The following PARG variants were observed in gnomAD, a reference collection of about 807,000 sequenced individuals.
PARG encodes mitochondrial poly(ADP-ribose) glycohydrolase.
Under a neutral mutation model 113.0 loss-of-function variants are expected in PARG, and 35 were observed. That is an observed-to-expected ratio of 0.31 (90% CI 0.24 to 0.41). The LOEUF (loss-of-function observed/expected upper bound fraction) is 0.41, where lower values mean the gene tolerates loss of function less well. PARG is among the 10% of genes least tolerant of loss of function. The pLI is 1.00. For synonymous variants in PARG, 330 were observed against 409.9 expected (o/e 0.81, Z 2.36); for missense variants, 797 against 1,169.4 (o/e 0.68, Z 4.64).
chr10:49,869,586 G>C, intron 9 of PARG, 31 bp from the exon 10 acceptor site: 1 of 982,982 alleles, frequency 1.0e-6, no homozygotes, highest in Non-Finnish European at 1.6e-6. Context: ...GAGAATGGAA[G>C]ATAAGTTAAA....
chr10:49,892,888 C>A (rs1342819051), intron 7 of PARG, among the ~76,000 whole-genome samples: 1 of 152,118 alleles, frequency 6.6e-6, no homozygotes, highest in Non-Finnish European at 1.5e-5. Flanking sequence ...TCAAGACCAG[C>A]CTGGGCAAGA....
intron 7 of PARG, among the ~76,000 whole-genome samples, chr10:49,904,482 T>C (rs1307336725): frequency 6.6e-6 from 1 of 151,882 alleles, no homozygotes; most frequent in African/African-American, 2.4e-5. Context: ...TAATGATGTG[T>C]CAAGGTAGGT....
chr10:49,935,527 A>C (rs1473640749), intron 1 of PARG, among the ~76,000 whole-genome samples: 4 of 152,262 alleles, frequency 2.6e-5, no homozygotes, highest in African/African-American at 2.4e-5. Flanking sequence ...TTAAGTAAAA[A>C]TAGTTCATGT....
At chr10:49,903,480 A>G (rs529827146) in intron 7 of PARG, among the ~76,000 whole-genome samples, 18 of 152,046 alleles carry the variant, frequency 1.2e-4, no homozygotes, top group Non-Finnish European at 2.1e-4. Flanking sequence ...ACTCAGTTCA[A>G]GAAACATTAA....
rs542835347 is a variant in PARG at position 49,852,289 on chromosome 10, C to T, written c.2353+5017G>A. 6.6e-5 allele frequency among the ~76,000 whole-genome samples: 10 copies of T among 152,126 alleles called. 1 individual carries two copies. The South Asian group carries it at 2.1e-3, about 32-fold the overall frequency. On this transcript the variant is annotated intron_variant, in intron 13 of 17. Coordinates refer to ENST00000616448, the MANE Select transcript of PARG (RefSeq NM_003631.5). ...GGGGAAAATGCTGAGTTAAAAGTCA[C>T]CCCATATGTCCTTAGCCTGAGGTAA...
intron 13 of PARG, among the ~76,000 whole-genome samples, chr10:49,849,932 C>G (rs1378690566): frequency 2.6e-5 from 4 of 152,054 alleles, no homozygotes; most frequent in Non-Finnish European, 5.9e-5. Flanking sequence ...GTGGGAGGAT[C>G]CCTTGAGCTC....
intron 8 of PARG, among the ~76,000 whole-genome samples, chr10:49,881,652 G>A (rs1421547630): frequency 6.6e-6 from 1 of 152,140 alleles, no homozygotes; most frequent in African/African-American, 2.4e-5. Context: ...CAAAACTGCG[G>A]TGCTGAATAA....
At chr10:49,902,802 G>A (rs1402389364) in intron 7 of PARG, among the ~76,000 whole-genome samples, 1 of 151,976 alleles carries the variant, frequency 6.6e-6, no homozygotes, top group Non-Finnish European at 1.5e-5. Context: ...ACCAGCTTGG[G>A]CAACATAATG....
intron 4 of PARG, among the ~76,000 whole-genome samples, chr10:49,925,750 C>G (rs1371820054): frequency 3.3e-5 from 5 of 152,254 alleles, no homozygotes; most frequent in Non-Finnish European, 7.3e-5. Context: ...TCTTAGGGGC[C>G]TGCCAGGAGT....
chr10:49,932,785 T>A (rs1310872469), intron 3 of PARG, among the ~76,000 whole-genome samples: 3 of 150,934 alleles, frequency 2.0e-5, no homozygotes, highest in African/African-American at 7.3e-5. Flanking sequence ...ATTTAGTGAG[T>A]ATAATACCAT....
At chr10:49,846,193 T>C (rs1362503317) in intron 13 of PARG, among the ~76,000 whole-genome samples, 1 of 150,656 alleles carries the variant, frequency 6.6e-6, no homozygotes, top group Non-Finnish European at 1.5e-5. Flanking sequence ...CATAGATAGA[T>C]CTCACATTAC....
At chr10:49,858,338 C>CACA (rs1846092009) in intron 12 of PARG, among the ~76,000 whole-genome samples, 1 of 67,116 alleles carries the variant, frequency 1.5e-5, no homozygotes, top group South Asian at 8.1e-4. Context: ...AGATCACACA[C>CACA]ACACACACAC....
At chr10:49,930,554 G>C (rs1838431819) in intron 4 of PARG, among the ~76,000 whole-genome samples, 1 of 152,252 alleles carries the variant, frequency 6.6e-6, no homozygotes, top group African/African-American at 2.4e-5. Context: ...CAAAGGCACT[G>C]TTTTCCATTT....
chr10:49,899,609 C>T (rs1451235509), intron 7 of PARG, among the ~76,000 whole-genome samples: 1 of 152,134 alleles, frequency 6.6e-6, no homozygotes, highest in Non-Finnish European at 1.5e-5. Context: ...AGGCATATTT[C>T]ACCAATTAGC....
intron 13 of PARG, among the ~76,000 whole-genome samples, chr10:49,851,004 T>C (rs1250644938): frequency 1.3e-5 from 2 of 152,206 alleles, no homozygotes; most frequent in Non-Finnish European, 2.9e-5. Context: ...GACAGAAGAC[T>C]GAATGACCAT....
At chr10:49,893,789 G>C (rs1408617300) in intron 7 of PARG, among the ~76,000 whole-genome samples, 1 of 151,704 alleles carries the variant, frequency 6.6e-6, no homozygotes, top group East Asian at 1.9e-4. Context: ...CGCCTCCCAA[G>C]TTCACGCCAT....
intron 1 of PARG, among the ~76,000 whole-genome samples, chr10:49,937,007 C>A (rs1204653349): frequency 6.6e-6 from 1 of 152,148 alleles, no homozygotes; most frequent in Non-Finnish European, 1.5e-5. Flanking sequence ...TATTGTTAAA[C>A]ACCATTACTT....
chr10:49,892,055 C>G (rs1381880969), intron 7 of PARG, among the ~76,000 whole-genome samples: 4 of 152,010 alleles, frequency 2.6e-5, no homozygotes, highest in African/African-American at 9.7e-5. Context: ...CTTTGGGAGG[C>G]TGAGGTGGGT....
chr10:49,879,855 A>G (rs1457782579), intron 8 of PARG, 25 bp from the exon 9 acceptor site: 2 of 901,820 alleles, frequency 2.2e-6, no homozygotes, highest in Admixed American at 4.2e-5. Flanking sequence ...AAAAAAATAC[A>G]GACGAGAAGA....
Sources: allele counts gnomAD v4.1 joint callset (sites outside exome capture counted in the v4.1 genomes callset), GRCh38; gene constraint gnomAD v4.1.1; transcripts MANE v1.5; gene names NCBI Gene and HGNC (gene_info 2026-07-23, HGNC 2026-07-21).